IFNGR2: variants seen among roughly 807,000 people sequenced by gnomAD.
IFNGR2 encodes interferon gamma receptor 2.
In IFNGR2, 15 loss-of-function variants were observed where a neutral mutation model predicts 41.1. That is an observed-to-expected ratio of 0.37 (90% confidence interval 0.24 to 0.56). The LOEUF (loss-of-function observed/expected upper bound fraction) is 0.56, where lower values mean the gene tolerates loss of function less well. IFNGR2 is among the 20% of genes least tolerant of loss of function. The pLI, the probability that IFNGR2 is intolerant of heterozygous loss-of-function variation, is 0.81. For synonymous variants in IFNGR2, 161 were observed against 171.6 expected, an observed-to-expected ratio of 0.94 and a Z score of 0.48; for missense variants, 362 against 415.7, an observed-to-expected ratio of 0.87 and a Z score of 1.12.
chr21:33,427,179 T>C (rs1476666506), intron 4 of IFNGR2, 147 bp downstream of exon 4: 7 of 772,088 alleles, frequency 9.1e-6, no homozygotes, highest in South Asian at 6.1e-5. Context: ...CCTGTTTTCA[T>C]TGTCCTCTTC....
rs1475376636 is a variant in IFNGR2, at chr21:33,403,616, G to A, written c.73G>A (p.Asp25Asn). ...CGCCGCCGCCGCCGCGGCCCCGCCA[G>A]GTGAGCCGGGCCTGGGCCTCCGCGG... is the stretch of plus-strand genomic sequence containing the variant. ...VFAAAAAAPP[D>N]PLSQLPAPQH... is the part of the protein sequence containing the mutation. Residue 25 changes from aspartate to asparagine, a missense_variant and splice_region_variant, in exon 1 of 7, where the codon GAC (aspartate) becomes AAC (asparagine). Asp to Asn is a conservative substitution (Grantham distance 23). Coordinates refer to ENST00000290219, the MANE Select transcript of IFNGR2 (RefSeq NM_005534.4). The A allele has an allele frequency of 7.4e-7, 1 of 1,359,952 alleles. No homozygotes were observed. The highest frequency in any genetic ancestry group is 9.5e-7 in the Non-Finnish European group (1 of 1,054,698). 84.2% of individuals were successfully genotyped at this position (1,359,952 alleles called of 1,614,324 possible).
At chr21:33,411,643 C>A in intron 1 of IFNGR2, 1 of 386,012 alleles carries the variant, frequency 2.6e-6, no homozygotes, top group Non-Finnish European at 5.4e-6. Flanking sequence ...TATACCACCA[C>A]AGGGTCCCCA....
In IFNGR2 at chr21:33,421,501, G is replaced by A. The variant is rs141791628; in HGVS notation, c.228G>A (p.Thr76=). 6.9e-5 allele frequency: 112 copies of A among 1,613,746 alleles called. No individual in the cohort carries two copies. Among genetic ancestry groups the A allele is most frequent in the Middle Eastern group, 4.9e-4 (3 of 6,084 alleles). ...QFKYTDSKWF[T]ADIMSIGVNC... ...CCAGCACCGACAGTAAATGGTTCACGGCCGACATCATGTCCATAGGGGTGA... is the reference window on the plus strand; with the variant it reads ...CCAGCACCGACAGTAAATGGTTCACAGCCGACATCATGTCCATAGGGGTGA... The change falls in exon 3 of 7, where the codon ACG becomes ACA. Residue 76 remains threonine, a synonymous_variant. Transcript: ENST00000290219.
intron 1 of IFNGR2, among the ~76,000 whole-genome samples, chr21:33,409,581 G>A (rs2123331400): frequency 6.6e-6 from 1 of 152,288 alleles, no homozygotes; most frequent in Admixed American, 6.5e-5. Context: ...TCTGGGATAA[G>A]ATCTTGAAGG....
chr21:33,413,698 T>A (rs1370042727), intron 1 of IFNGR2, among the ~76,000 whole-genome samples: 4 of 151,990 alleles, frequency 2.6e-5, no homozygotes, highest in Non-Finnish European at 5.9e-5. Flanking sequence ...GAAGGCTCCC[T>A]GTGAAGTACC....
At chr21:33,417,252 A>C (rs2083760893) in intron 2 of IFNGR2, among the ~76,000 whole-genome samples, 1 of 151,944 alleles carries the variant, frequency 6.6e-6, no homozygotes. Context: ...TGCTGTACCC[A>C]GCTAATTTTT....
At chr21:33,432,116 A>T (rs1039380735) in intron 4 of IFNGR2, 61 bp from the exon 5 acceptor site, 1 of 1,454,686 alleles carries the variant, frequency 6.9e-7, no homozygotes, top group Non-Finnish European at 9.7e-7. Context: ...AAACATCAGA[A>T]AAGATGTAGG....
At chr21:33,434,214 GAGA>G (rs1376735202) in intron 6 of IFNGR2, among the ~76,000 whole-genome samples, 3 of 152,094 alleles carry the variant, frequency 2.0e-5, no homozygotes, top group East Asian at 3.9e-4. Context: ...GGCGAGCTGA[GAGA>G]AGAACATTTA....
chr21:33,419,193 C>T lies in IFNGR2; in HGVS notation c.207-2287C>T, dbSNP rs17878960. 5.3e-3 allele frequency among the ~76,000 whole-genome samples: 813 copies of T among 152,296 alleles called. 7 individuals are homozygous for T. The highest frequency in any genetic ancestry group is 0.018 in the African/African-American group (766 of 41,540). On this transcript the variant is annotated intron_variant, in intron 2 of 6. Transcript: ENST00000290219. ...TGATCTCAGCTCACTGAAACCTCCG[C>T]CGCCTGGGTTCAAGTGATTGTCCTG...
At chr21:33,418,587 C>A (rs960298278) in intron 2 of IFNGR2, among the ~76,000 whole-genome samples, 7 of 152,106 alleles carry the variant, frequency 4.6e-5, no homozygotes, top group African/African-American at 1.7e-4. Flanking sequence ...TGTTTCTCTA[C>A]AATAAAGCAT....
Position 33,414,991 on chromosome 21 carries a change from G to A in IFNGR2, c.177G>A (p.Arg59=), listed in dbSNP as rs773634175. 12 of 1,614,064 alleles carry A rather than the reference G, an allele frequency of 7.4e-6. No homozygotes were observed. The highest frequency in any genetic ancestry group is 9.3e-6 in the Non-Finnish European group (11 of 1,180,030). The change falls in exon 2 of 7, where the codon AGG becomes AGA. Residue 59 remains arginine, a synonymous_variant. Coordinates refer to ENST00000290219, the MANE Select transcript of IFNGR2 (RefSeq NM_005534.4). The part of the protein sequence containing the change: ...WEPVALSNST[R]PVVYQVQFKY... ...CAGTGGCCCTGAGCAATAGCACGAGGCCTGTTGTCTACCAAGTGCAGTTTA... is the reference window on the plus strand; with the variant it reads ...CAGTGGCCCTGAGCAATAGCACGAGACCTGTTGTCTACCAAGTGCAGTTTA...
rs564946501 is a variant in IFNGR2 at position 33,410,322 on chromosome 21, A to G, written c.74-4566A>G. Among the ~76,000 whole-genome samples the G allele has an allele frequency of 6.3e-4, 96 of 151,992 alleles. 2 individuals carry two copies. The highest frequency in any genetic ancestry group is 2.3e-3 in the African/African-American group (96 of 41,462). On this transcript the variant is annotated intron_variant, in intron 1 of 6. Coordinates refer to ENST00000290219, the MANE Select transcript of IFNGR2 (RefSeq NM_005534.4). ...GCTTGAATTACAGGCACCCACCACCATGCCTGGCTAATTTTTATATTTTTA... is the reference window on the plus strand; with the variant it reads ...GCTTGAATTACAGGCACCCACCACCGTGCCTGGCTAATTTTTATATTTTTA...
chr21:33,406,258 C>A (rs1980650086), intron 1 of IFNGR2, among the ~76,000 whole-genome samples: 2 of 151,978 alleles, frequency 1.3e-5, no homozygotes. Context: ...CGCCTGTAAT[C>A]CCAGCTACCT....
intron 1 of IFNGR2, among the ~76,000 whole-genome samples, chr21:33,414,245 G>A (rs1208424115): frequency 6.6e-6 from 1 of 152,176 alleles, no homozygotes; most frequent in African/African-American, 2.4e-5. Flanking sequence ...CTGTGATTGC[G>A]ATGCTGGGGG....
chr21:33,411,540 G>A (rs1386256686), intron 1 of IFNGR2: 4 of 470,972 alleles, frequency 8.5e-6, no homozygotes, highest in Non-Finnish European at 1.3e-5. Context: ...CTGGGAATGT[G>A]CTGCCTGACG....
chr21:33,427,685 T>C (rs957705643), intron 4 of IFNGR2, among the ~76,000 whole-genome samples: 3 of 152,104 alleles, frequency 2.0e-5, no homozygotes, highest in Admixed American at 6.6e-5. Flanking sequence ...GCCTAAATTA[T>C]CCTAGCTGCA....
intron 6 of IFNGR2, among the ~76,000 whole-genome samples, chr21:33,433,264 G>A (rs755610391): frequency 3.3e-5 from 5 of 152,194 alleles, no homozygotes; most frequent in Non-Finnish European, 5.9e-5. Context: ...GGGCAAAGCC[G>A]TGGACACAGA....
chr21:33,424,363 G>A (rs2083818545), intron 3 of IFNGR2, among the ~76,000 whole-genome samples: 1 of 152,128 alleles, frequency 6.6e-6, no homozygotes, highest in Non-Finnish European at 1.5e-5. Flanking sequence ...GGTAACAGAA[G>A]CAGGATGTAT....
chr21:33,420,801 C>G (rs540466067), intron 2 of IFNGR2, among the ~76,000 whole-genome samples: 3 of 152,170 alleles, frequency 2.0e-5, no homozygotes, highest in African/African-American at 7.2e-5. Flanking sequence ...AATCCCAGCA[C>G]TTTGGGAGGC....
Sources: allele counts gnomAD v4.1 joint callset (sites outside exome capture counted in the v4.1 genomes callset), GRCh38; gene constraint gnomAD v4.1.1; transcripts MANE v1.5; gene names NCBI Gene and HGNC (gene_info 2026-07-23, HGNC 2026-07-21).